The following BCL2 variants were observed in gnomAD, a reference collection of about 807,000 sequenced individuals.
BCL2 encodes apoptosis regulator Bcl-2.
A neutral mutation model predicts 14.2 loss-of-function variants in BCL2; 1 was observed. That is an observed-to-expected ratio of 0.07 (90% CI 0.02 to 0.33). BCL2 has a LOEUF of 0.33. BCL2 is among the 10% of genes least tolerant of loss of function. BCL2 has a pLI of 0.99. For synonymous variants in BCL2, 151 were observed against 137.2 expected (o/e 1.10, Z -0.70); for missense variants, 247 against 305.9 (o/e 0.81, Z 1.44).
intron 2 of BCL2, among the ~76,000 whole-genome samples, chr18:63,209,776 G>A (rs563442385): frequency 6.6e-6 from 1 of 152,282 alleles, no homozygotes; most frequent in Admixed American, 6.5e-5. Context: ...TGGGGCAAAT[G>A]TCTGAATTTA....
In BCL2 at chr18:63,168,203, C is replaced by A. The variant is rs78294268; in HGVS notation, c.586-39444G>T. On this transcript the variant is annotated intron_variant, in intron 2 of 2. Coordinates refer to ENST00000333681, the MANE Select transcript of BCL2 (RefSeq NM_000633.3). Reference sequence around the variant, plus strand: ...CATCCATTGCCAATGTACCAAGGATCATTTTGCCAAAGTGAAGTCTGACAA... The same window carrying A: ...CATCCATTGCCAATGTACCAAGGATAATTTTGCCAAAGTGAAGTCTGACAA... Among the ~76,000 whole-genome samples, 1,173 of 152,312 alleles carry A rather than the reference C, an allele frequency of 7.7e-3. 18 individuals carry two copies. The highest frequency in any genetic ancestry group is 0.027 in the African/African-American group (1,124 of 41,572).
At chr18:63,306,166 G>C (rs566834999) in intron 2 of BCL2, among the ~76,000 whole-genome samples, 1 of 152,324 alleles carries the variant, frequency 6.6e-6, no homozygotes. Flanking sequence ...AAGTTGTACA[G>C]AAAGACCAGC....
chr18:63,268,424 G>A (rs1474472357), intron 2 of BCL2, among the ~76,000 whole-genome samples: 1 of 152,164 alleles, frequency 6.6e-6, no homozygotes, highest in African/African-American at 2.4e-5. Flanking sequence ...AGCCAGGTGA[G>A]GTCTGGGGCC....
At chr18:63,215,695 T>C (rs1249095161) in intron 2 of BCL2, among the ~76,000 whole-genome samples, 1 of 152,196 alleles carries the variant, frequency 6.6e-6, no homozygotes, top group Non-Finnish European at 1.5e-5. Flanking sequence ...CAAGTGTCCA[T>C]GATAAGAACC....
rs1352426242 is a variant in BCL2, at chr18:63,319,655, C to G, written c.-768G>C. 4.5e-6 allele frequency: 1 copy of G among 221,940 alleles called. No homozygotes were observed. Among genetic ancestry groups the G allele is most frequent in the African/African-American group, 2.2e-5 (1 of 44,678 alleles). 13.7% of individuals were successfully genotyped at this position (221,940 alleles called of 1,614,324 possible). On this transcript the variant is annotated 5_prime_UTR_variant, in exon 1 of 3. Coordinates refer to ENST00000333681, the MANE Select transcript of BCL2 (RefSeq NM_000633.3). ...AGGCAGGAATCCTCTTCTGATTAAA[C>G]TCCGAACAGCAAATGCATTTTCCGA...
intron 2 of BCL2, among the ~76,000 whole-genome samples, chr18:63,296,786 T>C (rs1240285250): frequency 2.6e-5 from 4 of 152,168 alleles, no homozygotes; most frequent in African/African-American, 9.7e-5. Context: ...GCTACACAAC[T>C]GTAGCTCATT....
intron 2 of BCL2, among the ~76,000 whole-genome samples, chr18:63,200,342 T>C (rs897006275): frequency 2.6e-5 from 4 of 152,208 alleles, no homozygotes; most frequent in East Asian, 1.9e-4. Context: ...CAGATAGTAA[T>C]AAATGGGCTT....
chr18:63,213,526 C>CCACACACACA (rs57343137), intron 2 of BCL2, among the ~76,000 whole-genome samples: 2 of 147,684 alleles, frequency 1.4e-5, no homozygotes, highest in East Asian at 2.0e-4. Flanking sequence ...ACACATTAAA[C>CCACACACACA]CACACACACA....
In BCL2 at chr18:63,128,555, T is replaced by C; in HGVS notation, c.*70A>G. On this transcript the variant is annotated 3_prime_UTR_variant, in exon 3 of 3. Transcript: ENST00000333681. ...GCAGCTTTGTTTCATGGTACATCAC[T>C]GACAATGCATATTATTTCTACTGCT... 1 of 754,894 alleles carries C rather than the reference T, an allele frequency of 1.3e-6. No homozygotes were observed. The highest frequency in any genetic ancestry group is 2.5e-6 in the Non-Finnish European group (1 of 403,094). 46.8% of individuals were successfully genotyped at this position (754,894 alleles called of 1,614,324 possible).
chr18:63,129,760 G>A (rs1282846353), intron 2 of BCL2, among the ~76,000 whole-genome samples: 1 of 152,212 alleles, frequency 6.6e-6, no homozygotes, highest in Non-Finnish European at 1.5e-5. Context: ...AGCTCTATGA[G>A]AGCATTTGGT....
At chr18:63,177,536 C>T (rs1915377799) in intron 2 of BCL2, among the ~76,000 whole-genome samples, 1 of 152,220 alleles carries the variant, frequency 6.6e-6, no homozygotes, top group South Asian at 2.1e-4. Flanking sequence ...ATCCTCCTCA[C>T]ACCACTTATC....
intron 2 of BCL2, among the ~76,000 whole-genome samples, chr18:63,255,804 T>C (rs938265956): frequency 1.3e-5 from 2 of 151,014 alleles, no homozygotes; most frequent in Non-Finnish European, 2.9e-5. Flanking sequence ...ATCATTAAAA[T>C]CACCTGTGGT....
In BCL2 at chr18:63,205,223, T is replaced by C. The variant is rs1444102933; in HGVS notation, c.586-76464A>G. 2.0e-5 allele frequency among the ~76,000 whole-genome samples: 3 copies of C among 152,344 alleles called. No homozygotes were observed. In the South Asian group the frequency reaches 6.2e-4, roughly 32 times the overall value. ...AACCATCCTTCATCAACAACAGCCT[T>C]CCTTTGAACCGGAATAATCGTTTCT... On this transcript the variant is annotated intron_variant, in intron 2 of 2. Transcript: ENST00000333681.
At chr18:63,164,371 C>T (rs1268598773) in intron 2 of BCL2, among the ~76,000 whole-genome samples, 1 of 152,194 alleles carries the variant, frequency 6.6e-6, no homozygotes, top group Non-Finnish European at 1.5e-5. Flanking sequence ...TAAATATGAT[C>T]TGGCAGCCCC....
chr18:63,256,491 A>G (rs1415043105), intron 2 of BCL2, among the ~76,000 whole-genome samples: 1 of 152,246 alleles, frequency 6.6e-6, no homozygotes, highest in Non-Finnish European at 1.5e-5. Flanking sequence ...TGCTGGGATT[A>G]CAGGCGTGAG....
At position 63,203,912 on chromosome 18, in the gene BCL2, G is replaced by A. The variant is rs377090444; in HGVS notation, c.586-75153C>T. ...TTCTATTCTAGCTTTCATGTTTTTT[G>A]TTATTTTAGGAGTGAGTTTCTAATT... On this transcript the variant is annotated intron_variant, in intron 2 of 2. Transcript: ENST00000333681. Among the ~76,000 whole-genome samples, 23 of 152,114 alleles carry A rather than the reference G, an allele frequency of 1.5e-4. No individual in the cohort carries two copies. In the East Asian group the frequency reaches 4.0e-3, roughly 27 times the overall value.
intron 2 of BCL2, among the ~76,000 whole-genome samples, chr18:63,190,537 A>G (rs1909260903): frequency 6.6e-6 from 1 of 152,174 alleles, no homozygotes; most frequent in Non-Finnish European, 1.5e-5. Flanking sequence ...TCCACTTTTC[A>G]CTTTCAGATG....
intron 2 of BCL2, among the ~76,000 whole-genome samples, chr18:63,290,370 A>T (rs1442238078): frequency 6.6e-6 from 1 of 151,892 alleles, no homozygotes; most frequent in African/African-American, 2.4e-5. Flanking sequence ...GGTCCCGCAC[A>T]AGAGAATCAG....
chr18:63,124,644 A>T lies in BCL2; in HGVS notation c.*3981T>A, dbSNP rs113158648. ...AATGTCCTTTGTCCCATAATAATTT[A>T]AAAAAAAAATCCCTGAAAGATCCAA... On this transcript the variant is annotated 3_prime_UTR_variant, in exon 3 of 3. Transcript: ENST00000333681. The T allele has an allele frequency of 7.6e-4, 79 of 104,052 alleles. No homozygotes were observed. Among genetic ancestry groups the T allele is most frequent in the African/African-American group, 1.1e-3 (23 of 20,672 alleles). 6.4% of individuals were successfully genotyped at this position (104,052 alleles called of 1,614,324 possible).
Sources: allele counts gnomAD v4.1 joint callset (sites outside exome capture counted in the v4.1 genomes callset), GRCh38; gene constraint gnomAD v4.1.1; transcripts MANE v1.5; gene names NCBI Gene and HGNC (gene_info 2026-07-23, HGNC 2026-07-21).